The following ZNRF2 variants were observed in gnomAD, a reference collection of about 807,000 sequenced individuals.
ZNRF2 encodes the protein zinc and ring finger 2.
ZNRF2 carries 16 observed loss-of-function variants against 20.4 expected under a neutral mutation model. The ratio of observed to expected loss-of-function variants is 0.79; its 90% confidence interval spans 0.53 to 1.19. The LOEUF is 1.19. Among genes scored for constraint, ZNRF2 ranks in the 50% most tolerant of loss-of-function variants. The probability of loss-of-function intolerance (pLI) is 0.00; values close to 1 mark genes in which losing one functional copy is unlikely to be tolerated. For synonymous variants in ZNRF2, 178 were observed against 144.9 expected (o/e 1.23, Z -1.64); for missense variants, 363 against 332.4 (o/e 1.09, Z -0.72).
chr7:30,312,741 G>A (rs1799310822), intron 1 of ZNRF2, among the ~76,000 whole-genome samples: 1 of 152,140 alleles, frequency 6.6e-6, no homozygotes, highest in African/African-American at 2.4e-5. Flanking sequence ...AAGTCCTAAA[G>A]ACATTTAAGT....
At chr7:30,333,830 T>C (rs1799676119) in intron 2 of ZNRF2, among the ~76,000 whole-genome samples, 1 of 152,236 alleles carries the variant, frequency 6.6e-6, no homozygotes. Flanking sequence ...TTCATGCCTT[T>C]GCCCACTTCT....
intron 1 of ZNRF2, among the ~76,000 whole-genome samples, chr7:30,307,873 A>C (rs1470533435): frequency 2.0e-5 from 3 of 152,146 alleles, no homozygotes; most frequent in African/African-American, 7.2e-5. Context: ...ACTTTCATAA[A>C]ATTTTACCAT....
intron 1 of ZNRF2, among the ~76,000 whole-genome samples, chr7:30,303,069 C>T (rs1799143916): frequency 6.6e-6 from 1 of 151,932 alleles, no homozygotes; most frequent in East Asian, 1.9e-4. Flanking sequence ...TAGCTTGACC[C>T]CAGGAGTTCG....
intron 2 of ZNRF2, among the ~76,000 whole-genome samples, chr7:30,337,618 G>T (rs535076545): frequency 6.6e-6 from 1 of 152,112 alleles, no homozygotes; most frequent in East Asian, 1.9e-4. Context: ...AGGGCTATTC[G>T]TTCGTACAAA....
At chr7:30,295,666 C>T (rs1799008070) in intron 1 of ZNRF2, among the ~76,000 whole-genome samples, 1 of 152,186 alleles carries the variant, frequency 6.6e-6, no homozygotes, top group African/African-American at 2.4e-5. Context: ...GCCAGGATTG[C>T]ACCACTGCAC....
Position 30,285,616 on chromosome 7 carries a change from G to A in ZNRF2, c.259G>A (p.Val87Met), listed in dbSNP as rs184594665. ...APRSRSLGGA[V>M]GSVASGARAA... ...GCGCAGCCGCTCCCTCGGCGGGGCCGTGGGGAGCGTGGCGTCGGGGGCCCG... is the reference window on the plus strand; with the variant it reads ...GCGCAGCCGCTCCCTCGGCGGGGCCATGGGGAGCGTGGCGTCGGGGGCCCG... The change falls in exon 1 of 5, where the codon GTG (valine) becomes ATG (methionine). Residue 87 changes from valine to methionine, a missense_variant. Val to Met is a conservative substitution (Grantham distance 21). Transcript: ENST00000323037. 4.9e-3 allele frequency: 6,003 copies of A among 1,226,386 alleles called. 253 individuals carry two copies. The African/African-American group carries it at 0.085, about 17-fold the overall frequency. The allele number at this position is 1,226,386 out of a possible 1,614,324, so 76.0% of individuals were successfully genotyped here. A position where few individuals can be genotyped will look rare whatever the true frequency, so the allele number is the denominator to read the frequency against.
In ZNRF2 at chr7:30,285,974, C is replaced by T. The variant is rs116413146; in HGVS notation, c.469+148C>T. Reference sequence around the variant, plus strand: ...GGACCAGCCCGCGTCGGTCTCCATCCTGGAAGAAACCCGGCGCTTAACACC... The same window carrying T: ...GGACCAGCCCGCGTCGGTCTCCATCTTGGAAGAAACCCGGCGCTTAACACC... On this transcript the variant is annotated intron_variant, in intron 1 of 4. Transcript: ENST00000323037. The T allele has an allele frequency of 1.5e-4, 192 of 1,316,666 alleles. No individual in the cohort carries two copies. In the African/African-American group the frequency reaches 2.7e-3, roughly 19 times the overall value. 81.6% of individuals were successfully genotyped at this position (1,316,666 alleles called of 1,614,324 possible). A position where few individuals can be genotyped will look rare whatever the true frequency, so the allele number is the denominator to read the frequency against.
At chr7:30,306,452 T>C (rs1479358823) in intron 1 of ZNRF2, among the ~76,000 whole-genome samples, 1 of 152,154 alleles carries the variant, frequency 6.6e-6, no homozygotes, top group Admixed American at 6.5e-5. Context: ...TCAGGAAGAA[T>C]AAAATTCCAT....
chr7:30,300,406 C>T (rs977434433), intron 1 of ZNRF2, among the ~76,000 whole-genome samples: 1 of 152,150 alleles, frequency 6.6e-6, no homozygotes, highest in African/African-American at 2.4e-5. Context: ...CTCGGCCTCC[C>T]AAAGTGCTGG....
intron 1 of ZNRF2, among the ~76,000 whole-genome samples, chr7:30,302,309 A>G (rs1799130321): frequency 1.3e-5 from 2 of 152,278 alleles, no homozygotes; most frequent in South Asian, 4.1e-4. Context: ...GAAACTGGAA[A>G]TGTTCTCTAA....
At chr7:30,356,583 A>T (rs535829169) in intron 3 of ZNRF2, among the ~76,000 whole-genome samples, 1 of 152,158 alleles carries the variant, frequency 6.6e-6, no homozygotes, top group African/African-American at 2.4e-5. Flanking sequence ...ATCCAGGCAA[A>T]TATTAACTAA....
At chr7:30,316,288 CAAAAAAAAA>C (rs60218988) in intron 1 of ZNRF2, among the ~76,000 whole-genome samples, 34 of 27,492 alleles carry the variant, frequency 1.2e-3, no homozygotes, top group South Asian at 7.3e-3. Flanking sequence ...AACTCCATCT[CAAAAAAAAA>C]AAAAAAAAAA....
chr7:30,337,605 T>C (rs1799735368), intron 2 of ZNRF2, among the ~76,000 whole-genome samples: 1 of 152,144 alleles, frequency 6.6e-6, no homozygotes, highest in South Asian at 2.1e-4. Flanking sequence ...GTCTCTGTTT[T>C]CCAGGGCTAT....
chr7:30,364,447 C>T (rs978156544), intron 4 of ZNRF2, among the ~76,000 whole-genome samples: 2 of 152,152 alleles, frequency 1.3e-5, no homozygotes, highest in East Asian at 1.9e-4. Flanking sequence ...CACACCAGTG[C>T]ACTCCTGCCT....
intron 1 of ZNRF2, among the ~76,000 whole-genome samples, chr7:30,295,048 A>AGGGAGG (rs1562603702): frequency 1.3e-5 from 1 of 79,056 alleles, no homozygotes; most frequent in African/African-American, 6.4e-5. Flanking sequence ...AGAGAGAGAG[A>AGGGAGG]GAGTGTGTGT....
intron 1 of ZNRF2, among the ~76,000 whole-genome samples, chr7:30,303,999 G>T (rs1470253634): frequency 1.3e-5 from 2 of 152,112 alleles, no homozygotes. Context: ...TGTCATTGTT[G>T]AATAGATTTT....
chr7:30,321,057 T>G (rs963600556), intron 1 of ZNRF2, among the ~76,000 whole-genome samples: 2 of 152,210 alleles, frequency 1.3e-5, no homozygotes, highest in Non-Finnish European at 2.9e-5. Context: ...GAGATCTTTA[T>G]TCTTCTATTT....
chr7:30,310,328 AT>A (rs2128059938), intron 1 of ZNRF2, among the ~76,000 whole-genome samples: 1 of 152,328 alleles, frequency 6.6e-6, no homozygotes. Context: ...CTTTTTCAGA[AT>A]GGTTTTCTTT....
rs201796458 is a variant in ZNRF2 at position 30,302,540 on chromosome 7, T to TG, written c.469+16715dup. ...GATTATGATATAAATTAAAGTACTA[T>TG]GTTTTTTTTTTTTGGTAATTTTGTT... On this transcript the variant is annotated intron_variant, in intron 1 of 4. Coordinates refer to ENST00000323037, the MANE Select transcript of ZNRF2 (RefSeq NM_147128.4). Among the ~76,000 whole-genome samples the TG allele has an allele frequency of 6.6e-3, 992 of 150,630 alleles. 7 individuals carry two copies. Among genetic ancestry groups the TG allele is most frequent in the African/African-American group, 0.024 (948 of 40,220 alleles).
Sources: allele counts gnomAD v4.1 joint callset (sites outside exome capture counted in the v4.1 genomes callset), GRCh38; gene constraint gnomAD v4.1.1; transcripts MANE v1.5; gene names NCBI Gene and HGNC (gene_info 2026-07-23, HGNC 2026-07-21).